The following UBAC2 variants were observed in gnomAD, a reference collection of about 807,000 sequenced individuals.
UBAC2 encodes the protein ubiquitin-associated domain-containing protein 2.
A neutral mutation model predicts 44.0 loss-of-function variants in UBAC2; 26 were observed. The observed-to-expected ratio is 0.59, with a 90% CI of 0.43 to 0.82. UBAC2 has a LOEUF of 0.82. Ranked by LOEUF, UBAC2 falls within the 40% of genes least tolerant of loss-of-function variation. The pLI is 0.00. For missense variants in UBAC2, 329 were observed against 419.4 expected (o/e 0.78, Z 1.88); for synonymous variants, 155 against 154.3 (o/e 1.00, Z -0.04).
At chr13:99,251,535 T>A (rs2142755315) in intron 4 of UBAC2, among the ~76,000 whole-genome samples, 2 of 152,328 alleles carry the variant, frequency 1.3e-5, no homozygotes, top group Middle Eastern at 6.8e-3. Context: ...CTTAACTAGT[T>A]TCCCTGTGAA....
chr13:99,340,328 T>A lies in UBAC2; in HGVS notation c.570T>A (p.Gly190=). 6.2e-7 allele frequency: 1 copy of A among 1,613,964 alleles called. No individual in the cohort carries two copies. Among genetic ancestry groups the A allele is most frequent in the Non-Finnish European group, 8.5e-7 (1 of 1,179,898 alleles). The stretch of plus-strand genomic sequence containing the variant: ...GGACGTTTTTCTTCTAGATGTCCGG[T>A]CTGTGCTACGACAGCAAAATGTTCC... The part of the protein sequence containing the change: ...WIVAISGLMS[G]LCYDSKMFQV... The change falls in exon 7 of 9, where the codon GGT becomes GGA. Residue 190 remains glycine (G), a synonymous_variant. Coordinates refer to ENST00000403766, the MANE Select transcript of UBAC2 (RefSeq NM_001144072.2).
At chr13:99,294,669 A>C (rs1472263434) in intron 4 of UBAC2, 1 of 155,038 alleles carries the variant, frequency 6.5e-6, no homozygotes, top group Non-Finnish European at 1.4e-5. Context: ...GGATTTAAGA[A>C]ATATGTTATT....
At chr13:99,285,403 T>C (rs1408954276) in intron 4 of UBAC2, among the ~76,000 whole-genome samples, 1 of 151,804 alleles carries the variant, frequency 6.6e-6, no homozygotes. Flanking sequence ...CTTTTTTTTT[T>C]TTTTAAGAGA....
chr13:99,374,309 T>G (rs1358962933), intron 8 of UBAC2, among the ~76,000 whole-genome samples: 1 of 152,214 alleles, frequency 6.6e-6, no homozygotes, highest in African/African-American at 2.4e-5. Flanking sequence ...AAAGCAGGTC[T>G]TCTTGTTTTG....
Position 99,357,990 on chromosome 13 carries a change from C to T in UBAC2, c.808-9797C>T, listed in dbSNP as rs2045212215. 2.0e-5 allele frequency among the ~76,000 whole-genome samples: 3 copies of T among 152,176 alleles called. No homozygotes were observed. The South Asian group carries it at 6.2e-4, about 32-fold the overall frequency. Reference sequence around the variant, plus strand: ...AGGACAAGATGGAGAATCACAGTCCCCGTGGAGCTAATAGGCTGTTGTGAG... The same window carrying T: ...AGGACAAGATGGAGAATCACAGTCCTCGTGGAGCTAATAGGCTGTTGTGAG... On this transcript the variant is annotated intron_variant, in intron 7 of 8. Coordinates refer to ENST00000403766, the MANE Select transcript of UBAC2 (RefSeq NM_001144072.2).
intron 1 of UBAC2, among the ~76,000 whole-genome samples, chr13:99,237,471 CAG>C (rs1465719721): frequency 1.3e-5 from 2 of 151,996 alleles, no homozygotes; most frequent in East Asian, 3.9e-4. Context: ...TGGTGGTTAT[CAG>C]AGGCTGGGAA....
intron 7 of UBAC2, among the ~76,000 whole-genome samples, chr13:99,358,239 G>A (rs1240901624): frequency 6.6e-6 from 1 of 152,192 alleles, no homozygotes. Context: ...GAAAGCAACA[G>A]GGATGCATTG....
intron 1 of UBAC2, chr13:99,215,796 G>A: frequency 1.3e-6 from 1 of 792,750 alleles, no homozygotes; most frequent in South Asian, 2.0e-5. Context: ...GCAGAGAAAG[G>A]GCTAATCAGA....
rs2043265969 is a variant in UBAC2 at position 99,238,550 on chromosome 13, TC to T, written c.157del (p.Gln53ArgfsTer5). 1 of 1,606,476 alleles carries T rather than the reference TC, an allele frequency of 6.2e-7. No homozygotes were observed. The highest frequency in any genetic ancestry group is 1.3e-5 in the African/African-American group (1 of 74,660). On this transcript the variant is annotated frameshift_variant, in exon 2 of 9. Coordinates refer to ENST00000403766, the MANE Select transcript of UBAC2 (RefSeq NM_001144072.2). LOFTEE classifies it high-confidence loss of function. ...GACCTTCACGCAGTCAAGAACGACT[TC>T]CAGGTAAGCTCTGCCTCATTGGCCC... ...VYDLHAVKND[F>X]QIWRLICGRI...
chr13:99,234,210 TCTCA>T, intron 1 of UBAC2, among the ~76,000 whole-genome samples: 1 of 115,184 alleles, frequency 8.7e-6, no homozygotes, highest in East Asian at 2.9e-4. Context: ...TGAGATGGAG[TCTCA>T]CTCTGTCGCC....
At chr13:99,363,970 A>G (rs1461600672) in intron 7 of UBAC2, among the ~76,000 whole-genome samples, 1 of 152,054 alleles carries the variant, frequency 6.6e-6, no homozygotes, top group Non-Finnish European at 1.5e-5. Context: ...AATTTTTTGT[A>G]CTTACATTCT....
chr13:99,296,138 A>G (rs1382520283), intron 4 of UBAC2: 11 of 1,598,470 alleles, frequency 6.9e-6, no homozygotes, highest in Non-Finnish European at 9.4e-6. Flanking sequence ...TGCCATTTGT[A>G]TATCCATTGG....
chr13:99,236,025 A>G (rs1437286055), intron 1 of UBAC2, among the ~76,000 whole-genome samples: 1 of 152,164 alleles, frequency 6.6e-6, no homozygotes, highest in African/African-American at 2.4e-5. Flanking sequence ...TGAAAGACCC[A>G]TATTTCTTAC....
chr13:99,255,248 C>T, intron 4 of UBAC2: 1 of 1,613,964 alleles, frequency 6.2e-7, no homozygotes, highest in East Asian at 2.2e-5. Context: ...TGAATAATGA[C>T]CAAGTAGCAC....
At chr13:99,329,950 T>C (rs61970334) in intron 6 of UBAC2, among the ~76,000 whole-genome samples, 4,639 of 152,350 alleles carry the variant, frequency 0.03, 95 homozygotes, top group Middle Eastern at 0.13. Flanking sequence ...TACAACAATC[T>C]TAACAGTATT....
At chr13:99,213,422 G>A (rs139150621) in intron 1 of UBAC2, among the ~76,000 whole-genome samples, 22 of 152,112 alleles carry the variant, frequency 1.4e-4, no homozygotes, top group African/African-American at 5.3e-4. Flanking sequence ...GTGCAATGGT[G>A]TGATCTCGGC....
At chr13:99,306,406 G>T (rs2044336400) in intron 4 of UBAC2, among the ~76,000 whole-genome samples, 1 of 151,990 alleles carries the variant, frequency 6.6e-6, no homozygotes, top group Non-Finnish European at 1.5e-5. Flanking sequence ...CTTGTGTGTG[G>T]GGGGGCCACA....
intron 4 of UBAC2, among the ~76,000 whole-genome samples, chr13:99,257,957 T>G (rs555412523): frequency 2.5e-3 from 386 of 152,364 alleles, no homozygotes; most frequent in Non-Finnish European, 3.9e-3. Context: ...TAAATATATT[T>G]TTTTAATAGA....
chr13:99,385,326 G>A lies in UBAC2; in HGVS notation c.1026G>A (p.Leu342=). ...TCAATGTCGCCACCAACTTCCTGCT[G>A]CAGCACTGATAGTCCCAGGCCAACA... ...NDLNVATNFL[L]QH Residue 342 remains leucine (L), a synonymous_variant, in exon 9 of 9, where the codon CTG becomes CTA. Transcript: ENST00000403766. 6.2e-7 allele frequency: 1 copy of A among 1,613,808 alleles called. No homozygotes were observed. The highest frequency in any genetic ancestry group is 8.5e-7 in the Non-Finnish European group (1 of 1,179,746).
Sources: gnomAD v4.1 joint callset for allele counts (sites outside exome capture counted in the v4.1 genomes callset) on GRCh38, gnomAD v4.1.1 for gene constraint, MANE v1.5 for transcripts, NCBI Gene and HGNC (gene_info 2026-07-23, HGNC 2026-07-21) for gene names.